L3MBTL4: variants seen among roughly 807,000 people sequenced by gnomAD.
The protein encoded by L3MBTL4 is L3MBTL histone methyl-lysine binding protein 4.
A neutral mutation model predicts 84.5 loss-of-function variants in L3MBTL4; 70 were observed. The ratio of observed to expected loss-of-function variants is 0.83; its 90% CI spans 0.68 to 1.01. The LOEUF is 1.01. L3MBTL4 is among the 50% of genes least tolerant of loss of function. The pLI, the probability that L3MBTL4 is intolerant of heterozygous loss-of-function variation, is 0.00. For missense variants in L3MBTL4, 715 were observed against 754.8 expected, an observed-to-expected ratio of 0.95 and a Z score of 0.62; for synonymous variants, 274 against 259.8, an observed-to-expected ratio of 1.05 and a Z score of -0.52.
intron 16 of L3MBTL4, among the ~76,000 whole-genome samples, chr18:6,015,047 AGAT>A (rs1373872546): frequency 6.6e-6 from 1 of 151,970 alleles, no homozygotes; most frequent in Non-Finnish European, 1.5e-5. Flanking sequence ...CGGGGAGGAA[AGAT>A]GATGAGGGAA....
chr18:6,055,919 A>G (rs913449472), intron 16 of L3MBTL4, among the ~76,000 whole-genome samples: 1 of 152,114 alleles, frequency 6.6e-6, no homozygotes, highest in Non-Finnish European at 1.5e-5. Context: ...GTTTATTTTT[A>G]AAGCATACTA....
chr18:6,326,899 C>T (rs1242089993), intron 1 of L3MBTL4, among the ~76,000 whole-genome samples: 1 of 152,174 alleles, frequency 6.6e-6, no homozygotes, highest in African/African-American at 2.4e-5. Context: ...AATTTGTCTA[C>T]TCCTTCCAAT....
At chr18:6,026,998 C>T (rs2055536963) in intron 16 of L3MBTL4, among the ~76,000 whole-genome samples, 1 of 152,070 alleles carries the variant, frequency 6.6e-6, no homozygotes, top group East Asian at 1.9e-4. Flanking sequence ...ATCCACTCAC[C>T]AGTAAAACAG....
chr18:5,995,474 T>C (rs943887338), intron 16 of L3MBTL4, among the ~76,000 whole-genome samples: 52 of 152,078 alleles, frequency 3.4e-4, no homozygotes, highest in African/African-American at 1.2e-3. Context: ...TTTGTGAAAA[T>C]AAGAAAATGG....
At chr18:6,361,768 G>A (rs763242902) in intron 1 of L3MBTL4, among the ~76,000 whole-genome samples, 3 of 152,206 alleles carry the variant, frequency 2.0e-5, no homozygotes, top group African/African-American at 4.8e-5. Context: ...CATGTACGTC[G>A]TCTCTTTCCT....
At chr18:5,969,776 A>G (rs2052547402) in intron 16 of L3MBTL4, among the ~76,000 whole-genome samples, 1 of 152,248 alleles carries the variant, frequency 6.6e-6, no homozygotes. Context: ...ACCCATGCCC[A>G]GAAGACTGTG....
At chr18:6,265,544 C>T (rs889997577) in intron 4 of L3MBTL4, among the ~76,000 whole-genome samples, 11 of 151,914 alleles carry the variant, frequency 7.2e-5, no homozygotes, top group Non-Finnish European at 1.3e-4. Context: ...CTGAGGTTAT[C>T]GAAAACTATA....
At chr18:5,977,835 C>T (rs2053019302) in intron 16 of L3MBTL4, among the ~76,000 whole-genome samples, 1 of 152,202 alleles carries the variant, frequency 6.6e-6, no homozygotes, top group Non-Finnish European at 1.5e-5. Flanking sequence ...CCTCATCACC[C>T]TCTGTGGCAT....
chr18:6,141,030 AG>A (rs2060180818), intron 13 of L3MBTL4, among the ~76,000 whole-genome samples: 1 of 150,532 alleles, frequency 6.6e-6, no homozygotes, highest in Non-Finnish European at 1.5e-5. Flanking sequence ...TGCCTCTGAA[AG>A]GAAGAACTAT....
chr18:6,386,415 C>T (rs116499705), intron 1 of L3MBTL4, among the ~76,000 whole-genome samples: 21 of 151,958 alleles, frequency 1.4e-4, no homozygotes, highest in African/African-American at 4.6e-4. Flanking sequence ...TTCATGCATT[C>T]GCCAACTATT....
intron 13 of L3MBTL4, among the ~76,000 whole-genome samples, chr18:6,143,925 C>G (rs568238844): frequency 6.6e-6 from 1 of 152,092 alleles, no homozygotes; most frequent in African/African-American, 2.4e-5. Flanking sequence ...CGGCTGGGCG[C>G]GGTGGCTCAC....
intron 16 of L3MBTL4, among the ~76,000 whole-genome samples, chr18:6,071,325 A>T (rs955065431): frequency 2.0e-5 from 3 of 150,042 alleles, no homozygotes; most frequent in Non-Finnish European, 3.0e-5. Flanking sequence ...CAGGAGGTGG[A>T]GGTTGCAGGA....
chr18:6,217,125 C>CT (rs1047274585), intron 10 of L3MBTL4, among the ~76,000 whole-genome samples: 91 of 152,152 alleles, frequency 6.0e-4, no homozygotes, highest in African/African-American at 2.0e-3. Context: ...CATTTTTATG[C>CT]TTTTTAATAA....
intron 14 of L3MBTL4, among the ~76,000 whole-genome samples, chr18:6,114,215 G>A (rs1191285602): frequency 6.6e-6 from 1 of 152,226 alleles, no homozygotes; most frequent in African/African-American, 2.4e-5. Context: ...GGAACTTGAA[G>A]GAGATAAGAG....
At chr18:6,156,121 G>C (rs930234576) in intron 13 of L3MBTL4, among the ~76,000 whole-genome samples, 3 of 152,058 alleles carry the variant, frequency 2.0e-5, no homozygotes, top group South Asian at 2.1e-4. Flanking sequence ...ATAAGAAAAA[G>C]CATCTTTAAG....
chr18:6,189,912 G>A (rs990026556), intron 12 of L3MBTL4, among the ~76,000 whole-genome samples: 3 of 152,146 alleles, frequency 2.0e-5, no homozygotes, highest in African/African-American at 7.2e-5. Context: ...TAACAGATAT[G>A]CAACGATTAT....
chr18:6,392,067 A>T (rs1447350417), intron 1 of L3MBTL4, among the ~76,000 whole-genome samples: 1 of 152,194 alleles, frequency 6.6e-6, no homozygotes, highest in Non-Finnish European at 1.5e-5. Context: ...ATAAAGAATA[A>T]ATCTGGAGGC....
intron 1 of L3MBTL4, among the ~76,000 whole-genome samples, chr18:6,370,306 T>C (rs895356117): frequency 1.3e-5 from 2 of 152,130 alleles, no homozygotes; most frequent in Admixed American, 6.5e-5. Flanking sequence ...ATCATAAACA[T>C]AGCAGATTGG....
At chr18:6,116,277 G>C (rs2059356282) in intron 14 of L3MBTL4, among the ~76,000 whole-genome samples, 1 of 152,042 alleles carries the variant, frequency 6.6e-6, no homozygotes, top group East Asian at 1.9e-4. Flanking sequence ...GCTCCAAGAA[G>C]TGCTGGGGGC....
Sources: allele counts gnomAD v4.1 joint callset (sites outside exome capture counted in the v4.1 genomes callset), GRCh38; gene constraint gnomAD v4.1.1; transcripts MANE v1.5; gene names NCBI Gene and HGNC (gene_info 2026-07-23, HGNC 2026-07-21).